Variants in TMEM8B observed in about 807,000 individuals in gnomAD.
TMEM8B encodes the protein transmembrane protein 8B, also known as nasopharyngeal carcinoma expressed 6.
TMEM8B carries 29 observed loss-of-function variants against 49.3 expected under a neutral mutation model. The ratio of observed to expected loss-of-function variants is 0.59; its 90% confidence interval spans 0.44 to 0.80. The LOEUF is 0.80. TMEM8B is among the 30% of genes least tolerant of loss of function. The pLI, the probability that TMEM8B is intolerant of heterozygous loss-of-function variation, is 0.00. For missense variants in TMEM8B, 575 were observed against 658.5 expected (o/e 0.87, Z 1.39); for synonymous variants, 264 against 272.8 (o/e 0.97, Z 0.32).
rs2132422920 is a variant in TMEM8B, at chr9:35,856,742, G to A, written c.*2902G>A. 6.6e-6 allele frequency: 1 copy of A among 152,428 alleles called. No individual in the cohort carries two copies. The highest frequency in any genetic ancestry group is 1.5e-5 in the Non-Finnish European group (1 of 68,052). The allele number at this position is 152,428 out of a possible 1,614,324, so 9.4% of individuals were successfully genotyped here. A position where few individuals can be genotyped will look rare whatever the true frequency, so the allele number is the denominator to read the frequency against. On this transcript the variant is annotated 3_prime_UTR_variant, in exon 13 of 13. Coordinates refer to ENST00000643932, the MANE Select transcript of TMEM8B (RefSeq NM_001042590.4). ...GGTGACTGATTGGGTGTGTGGGGTG[G>A]TGAGGTATGAGAGAGCCTAGGATGA...
At chr9:35,851,020 A>G (rs1832082083) in intron 10 of TMEM8B, among the ~76,000 whole-genome samples, 1 of 152,224 alleles carries the variant, frequency 6.6e-6, no homozygotes, top group African/African-American at 2.4e-5. Context: ...TTGTTTAGGA[A>G]CTAAATTAAC....
At position 35,857,887 on chromosome 9, in the gene TMEM8B, A is replaced by C. The variant is rs957636373; in HGVS notation, c.*4047A>C. 5.3e-5 allele frequency: 8 copies of C among 152,330 alleles called. No individual in the cohort carries two copies. The highest frequency in any genetic ancestry group is 1.9e-4 in the African/African-American group (8 of 41,554). 9.4% of individuals were successfully genotyped at this position (152,330 alleles called of 1,614,324 possible). On this transcript the variant is annotated 3_prime_UTR_variant, in exon 13 of 13. Coordinates refer to ENST00000643932, the MANE Select transcript of TMEM8B (RefSeq NM_001042590.4). ...ACTAGAATCCAGAAGGACAAACTGG[A>C]ACCTGTGCCTGGCTCTTATGCCTTC...
chr9:35,848,764 TCCC>T (rs1831872343), intron 10 of TMEM8B, among the ~76,000 whole-genome samples: 1 of 146,452 alleles, frequency 6.8e-6, no homozygotes, highest in Non-Finnish European at 1.5e-5. Context: ...AACCTCCGCC[TCCC>T]AGGTTCAAGC....
At chr9:35,836,205 G>C (rs1830433310) in intron 3 of TMEM8B, among the ~76,000 whole-genome samples, 1 of 152,174 alleles carries the variant, frequency 6.6e-6, no homozygotes, top group Middle Eastern at 3.2e-3. Context: ...GTGTCTCTAG[G>C]CCTCAGTGAC....
At position 35,864,869 on chromosome 9, in the gene TMEM8B, C is replaced by T. The variant is rs375936394; in HGVS notation, c.*11029C>T. ...GCCGAGTTCATTATGAGCAAGTGCA[C>T]GGTGCTGGGATGGGCTAGGTTCCCC... On this transcript the variant is annotated 3_prime_UTR_variant, in exon 13 of 13. Coordinates refer to ENST00000643932, the MANE Select transcript of TMEM8B (RefSeq NM_001042590.4). 5.9e-5 allele frequency: 9 copies of T among 152,422 alleles called. No individual in the cohort carries two copies. The highest frequency in any genetic ancestry group is 8.8e-5 in the Non-Finnish European group (6 of 68,130). The allele number at this position is 152,422 out of a possible 1,614,324, so 9.4% of individuals were successfully genotyped here. A position where few individuals can be genotyped will look rare whatever the true frequency, so the allele number is the denominator to read the frequency against.
In TMEM8B at chr9:35,863,405, C is replaced by A. The variant is rs1165400041; in HGVS notation, c.*9565C>A. 6.6e-6 allele frequency: 1 copy of A among 152,172 alleles called. No individual in the cohort carries two copies. Among genetic ancestry groups the A allele is most frequent in the Non-Finnish European group, 1.5e-5 (1 of 68,040 alleles). 9.4% of individuals were successfully genotyped at this position (152,172 alleles called of 1,614,324 possible). ...ACATTCATGGAAACTAGAACCAGCA[C>A]ACGAAACCATTGGCTTGTGGCCCTA... On this transcript the variant is annotated 3_prime_UTR_variant, in exon 13 of 13. Coordinates refer to ENST00000643932, the MANE Select transcript of TMEM8B (RefSeq NM_001042590.4).
Position 35,829,935 on chromosome 9 carries a change from C to G in TMEM8B, c.488C>G (p.Ser163Cys). Residue 163 changes from serine to cysteine, a missense_variant, in exon 1 of 13, where the codon TCT becomes TGT. Coordinates refer to ENST00000643932, the MANE Select transcript of TMEM8B (RefSeq NM_001042590.4). Reference protein sequence around the residue: ...PPALLLLLLFSVLGPGAGGLF... With the variant: ...PPALLLLLLFCVLGPGAGGLF... ...GCCCTATTGCTGCTGTTGCTGTTCT[C>G]TGTCCTTGGCCCAGGGGCTGGTGAG... 2.4e-6 allele frequency: 1 copy of G among 416,050 alleles called. No homozygotes were observed. The highest frequency in any genetic ancestry group is 4.4e-5 in the Admixed American group (1 of 22,750). 25.8% of individuals were successfully genotyped at this position (416,050 alleles called of 1,614,324 possible).
In TMEM8B at chr9:35,842,501, C is replaced by A; in HGVS notation, c.1419C>A (p.Thr473=). The A allele has an allele frequency of 6.2e-7, 1 of 1,609,962 alleles. No homozygotes were observed. The highest frequency in any genetic ancestry group is 8.5e-7 in the Non-Finnish European group (1 of 1,177,336). The change falls in exon 6 of 13, where the codon ACC becomes ACA. Residue 473 remains threonine, a synonymous_variant. Coordinates refer to ENST00000643932, the MANE Select transcript of TMEM8B (RefSeq NM_001042590.4). This position sits in a 1 kb window ranked among gnomAD's most constrained non-coding sequence, Gnocchi z 5.6. ...CCCCAGAACCGCCATCCCTTGGAACCCCTGCGGAGGGGCCTGGGACCACGT... is the reference window on the plus strand; with the variant it reads ...CCCCAGAACCGCCATCCCTTGGAACACCTGCGGAGGGGCCTGGGACCACGT... ...PLPPEPPSLG[T]PAEGPGTTSP... is the part of the protein sequence containing the mutation.
chr9:35,845,621 T>G, intron 6 of TMEM8B: 1 of 985,424 alleles, frequency 1.0e-6, no homozygotes, highest in Non-Finnish European at 1.2e-6. Flanking sequence ...TTGTCCACAA[T>G]TAGTTTCTAT....
chr9:35,846,476 C>T lies in TMEM8B; in HGVS notation c.1861C>T (p.Arg621Trp). Reference sequence around the variant, plus strand: ...CTGCGAGTTTGTGCGCAGGTTCGTGCGGTGCCGCAACGCGACGGCCGAGGT... The same window carrying T: ...CTGCGAGTTTGTGCGCAGGTTCGTGTGGTGCCGCAACGCGACGGCCGAGGT... ...SLCGVGPRFV[R>W]CRNATAEVRM... Residue 621 changes from arginine (R) to tryptophan (W), a missense_variant, in exon 9 of 13, where the codon CGG (arginine) becomes TGG (tryptophan). Physicochemically the swap from Arg to Trp is moderately radical, Grantham distance 101. Transcript: ENST00000643932. The T allele has an allele frequency of 6.3e-7, 1 of 1,598,728 alleles. No homozygotes were observed.
chr9:35,845,860 C>A (rs920143671), intron 6 of TMEM8B, 115 bp from the exon 7 acceptor site: 1 of 1,586,068 alleles, frequency 6.3e-7, no homozygotes, highest in South Asian at 1.1e-5. Context: ...TGGAGAGCGC[C>A]GGGAGGAATG....
intron 2 of TMEM8B, 60 bp from the exon 3 acceptor site, chr9:35,834,951 T>A (rs1444553093): frequency 4.8e-6 from 2 of 415,602 alleles, no homozygotes; most frequent in Non-Finnish European, 4.4e-6. Flanking sequence ...TTTCTTTCTT[T>A]CATTTCCTGC....
At chr9:35,836,676 C>G (rs1830475959) in intron 3 of TMEM8B, among the ~76,000 whole-genome samples, 1 of 152,182 alleles carries the variant, frequency 6.6e-6, no homozygotes, top group Non-Finnish European at 1.5e-5. Context: ...TTCAAGTGCC[C>G]AGACCAAGGG....
At position 35,842,423 on chromosome 9, in the gene TMEM8B, G is replaced by C; in HGVS notation, c.1341G>C (p.Leu447=). Reference sequence around the variant, plus strand: ...CACAGCCCGGCCTGCTCCGAGCCCTGGTCCCTGGAGCTGCCATGAACATGC... The same window carrying C: ...CACAGCCCGGCCTGCTCCGAGCCCTCGTCCCTGGAGCTGCCATGAACATGC... ...ECPQPGLLRA[L]VPGAAMNMPQ... is the part of the protein sequence containing the mutation. Residue 447 remains leucine, a synonymous_variant, in exon 6 of 13, where the codon CTG becomes CTC. Coordinates refer to ENST00000643932, the MANE Select transcript of TMEM8B (RefSeq NM_001042590.4). The surrounding 1 kb of genome is among the most constrained non-coding windows in gnomAD (Gnocchi z 5.6). The C allele has an allele frequency of 6.5e-7, 1 of 1,546,342 alleles. No homozygotes were observed. Among genetic ancestry groups the C allele is most frequent in the Non-Finnish European group, 8.7e-7 (1 of 1,143,866 alleles).
chr9:35,849,853 C>G (rs1270132889), intron 10 of TMEM8B, among the ~76,000 whole-genome samples: 2 of 152,228 alleles, frequency 1.3e-5, no homozygotes, highest in Non-Finnish European at 2.9e-5. Context: ...TTTAATTGTG[C>G]AACTTGAACC....
intron 3 of TMEM8B, among the ~76,000 whole-genome samples, chr9:35,837,796 G>A (rs2132263091): frequency 6.6e-6 from 1 of 152,050 alleles, no homozygotes; most frequent in East Asian, 1.9e-4. Flanking sequence ...CTTGTCCCCG[G>A]CCTCCATCTC....
intron 6 of TMEM8B, chr9:35,845,712 G>T: frequency 1.0e-6 from 1 of 985,444 alleles, no homozygotes; most frequent in Non-Finnish European, 1.2e-6. Flanking sequence ...GGACAGAATT[G>T]AAACACTTCT....
In TMEM8B at chr9:35,835,050, G is replaced by A. The variant is rs1588128589; in HGVS notation, c.738G>A (p.Leu246=). ...GGGCACCCCCTGTCATCAATCCCCT[G>A]CATACACACTTCCCAGGGGACACAG... The part of the protein sequence containing the change: ...RSGAPPVINP[L]HTHFPGDTAV... Residue 246 remains leucine (L), a synonymous_variant, in exon 3 of 13, where the codon CTG becomes CTA. Coordinates refer to ENST00000643932, the MANE Select transcript of TMEM8B (RefSeq NM_001042590.4). The A allele has an allele frequency of 4.8e-6, 2 of 415,578 alleles. No individual in the cohort carries two copies. Among genetic ancestry groups the A allele is most frequent in the East Asian group, 7.1e-5 (2 of 28,082 alleles). 25.7% of individuals were successfully genotyped at this position (415,578 alleles called of 1,614,324 possible).
intron 3 of TMEM8B, chr9:35,835,482 C>T (rs1830357964): frequency 1.2e-5 from 4 of 345,212 alleles, no homozygotes; most frequent in Admixed American, 4.8e-5. Flanking sequence ...GTCAGAGGCT[C>T]TGGCACAGGG....
Sources: gnomAD v4.1 joint callset for allele counts (sites outside exome capture counted in the v4.1 genomes callset) on GRCh38, gnomAD v4.1.1 for gene constraint, Gnocchi (gnomAD v3.1) non-coding constraint, MANE v1.5 for transcripts, NCBI Gene and HGNC (gene_info 2026-07-23, HGNC 2026-07-21) for gene names.